FIG4: variants seen among roughly 807,000 people sequenced by gnomAD.
FIG4 encodes the protein polyphosphoinositide phosphatase.
A neutral mutation model predicts 118.6 loss-of-function variants in FIG4; 112 were observed. That is an observed-to-expected ratio of 0.94 (90% confidence interval 0.81 to 1.11). FIG4 has a LOEUF of 1.11. Ranked by LOEUF, FIG4 falls within the 50% of genes least tolerant of loss-of-function variation. The probability of loss-of-function intolerance (pLI) is 0.00; values close to 1 mark genes in which losing one functional copy is unlikely to be tolerated. For missense variants in FIG4, 969 were observed against 1,111.7 expected (o/e 0.87, Z 1.83); for synonymous variants, 369 against 381.2 (o/e 0.97, Z 0.37).
chr6:109,774,843 C>G (rs1437224502), intron 15 of FIG4, among the ~76,000 whole-genome samples: 1 of 152,036 alleles, frequency 6.6e-6, no homozygotes, highest in Non-Finnish European at 1.5e-5. Context: ...ACATCATTGT[C>G]CCTTCCACCC....
At chr6:109,768,806 C>T (rs1390384278) in intron 15 of FIG4, among the ~76,000 whole-genome samples, 1 of 152,152 alleles carries the variant, frequency 6.6e-6, no homozygotes, top group Non-Finnish European at 1.5e-5. Flanking sequence ...GGGAAATCCA[C>T]ATCCATTTCC....
chr6:109,738,840 A>G (rs1191694844), intron 7 of FIG4, among the ~76,000 whole-genome samples: 1 of 152,118 alleles, frequency 6.6e-6, no homozygotes, highest in Non-Finnish European at 1.5e-5. Context: ...GAGCAGAGAG[A>G]GAGAGATCAC....
At chr6:109,752,545 A>G (rs924815299) in intron 10 of FIG4, among the ~76,000 whole-genome samples, 1 of 152,076 alleles carries the variant, frequency 6.6e-6, no homozygotes, top group African/African-American at 2.4e-5. Flanking sequence ...CTGGTGTGAG[A>G]TGGTATCTCA....
intron 1 of FIG4, among the ~76,000 whole-genome samples, chr6:109,698,892 T>C (rs1422830379): frequency 1.3e-5 from 2 of 152,226 alleles, no homozygotes; most frequent in African/African-American, 4.8e-5. Flanking sequence ...TGCTAATATT[T>C]TGTTAAGAAT....
chr6:109,757,567 C>T lies in FIG4; in HGVS notation c.1138-2683C>T, dbSNP rs993712123. The stretch of plus-strand genomic sequence containing the variant: ...AAAATCAACACAAGACAAGGATGCC[C>T]TCTCTCACCACTCCTCTTCAACATG... On this transcript the variant is annotated intron_variant, in intron 10 of 22. Transcript: ENST00000230124. 2.0e-5 allele frequency among the ~76,000 whole-genome samples: 3 copies of T among 152,284 alleles called. No homozygotes were observed. The East Asian group carries it at 5.8e-4, about 29-fold the overall frequency.
At chr6:109,727,557 G>C (rs1279586872) in intron 4 of FIG4, among the ~76,000 whole-genome samples, 1 of 152,092 alleles carries the variant, frequency 6.6e-6, no homozygotes, top group Non-Finnish European at 1.5e-5. Context: ...GCTACTATTA[G>C]GTGAGAGGTT....
chr6:109,738,898 G>A (rs538076049), intron 7 of FIG4, among the ~76,000 whole-genome samples: 1 of 152,214 alleles, frequency 6.6e-6, no homozygotes, highest in East Asian at 1.9e-4. Flanking sequence ...ACATGGGAGT[G>A]TTCTCATGGC....
At chr6:109,765,726 G>A (rs770494445) in intron 14 of FIG4, among the ~76,000 whole-genome samples, 7 of 152,148 alleles carry the variant, frequency 4.6e-5, no homozygotes, top group Non-Finnish European at 8.8e-5. Context: ...AATCTAAGAT[G>A]TATAAAAGAT....
intron 1 of FIG4, 128 bp from the exon 2 acceptor site, chr6:109,714,949 TA>T (rs1292307410): frequency 1.7e-6 from 1 of 603,492 alleles, no homozygotes; most frequent in African/African-American, 1.9e-5. Context: ...CAGTTATACA[TA>T]ACAGAAATAT....
intron 16 of FIG4, among the ~76,000 whole-genome samples, chr6:109,781,299 T>C (rs1777793636): frequency 6.6e-6 from 1 of 152,226 alleles, no homozygotes. Flanking sequence ...TCATACACTT[T>C]CAAAATCTCT....
At chr6:109,803,960 TCTAAA>T (rs767504544) in intron 22 of FIG4, among the ~76,000 whole-genome samples, 13 of 152,190 alleles carry the variant, frequency 8.5e-5, no homozygotes, top group Non-Finnish European at 1.8e-4. Context: ...TTTAACTTTC[TCTAAA>T]CTAAAGGGGC....
At position 109,737,609 on chromosome 6, in the gene FIG4, C is replaced by G. The variant is rs148079496; in HGVS notation, c.647-716C>G. On this transcript the variant is annotated intron_variant, in intron 6 of 22. Transcript: ENST00000230124. ...AACTGCTATTCAGAACCATTACAGT[C>G]TTTTAAGCTATTATCTTATAAACAT... Among the ~76,000 whole-genome samples, 214 of 152,184 alleles carry G rather than the reference C, an allele frequency of 1.4e-3. 2 individuals are homozygous for G. Among genetic ancestry groups the G allele is most frequent in the African/African-American group, 3.6e-3 (149 of 41,538 alleles).
intron 22 of FIG4, among the ~76,000 whole-genome samples, chr6:109,800,008 G>A (rs1778387538): frequency 6.6e-6 from 1 of 152,190 alleles, no homozygotes; most frequent in Admixed American, 6.5e-5. Flanking sequence ...GTGTACCATA[G>A]CCTGTTCTAA....
At position 109,765,181 on chromosome 6, in the gene FIG4, A is replaced by G. The variant is rs377162452; in HGVS notation, c.1583+20A>G. ...AGTTAGGTAAGTCTTATTTTTTGCT[A>G]TTTGAATGCTGATAATGGCAGAAGG... On this transcript the variant is annotated intron_variant, in intron 14 of 22. Coordinates refer to ENST00000230124, the MANE Select transcript of FIG4 (RefSeq NM_014845.6). 3.8e-5 allele frequency: 61 copies of G among 1,611,816 alleles called. No homozygotes were observed. Among genetic ancestry groups the G allele is most frequent in the Non-Finnish European group, 4.8e-5 (57 of 1,178,050 alleles).
chr6:109,701,625 T>C (rs1255645067), intron 1 of FIG4: 1 of 464,752 alleles, frequency 2.2e-6, no homozygotes, highest in African/African-American at 2.0e-5. Context: ...ATTGTTAGCA[T>C]ATATGTATGC....
intron 20 of FIG4, 37 bp from the exon 21 acceptor site, chr6:109,792,545 T>C (rs574452582): frequency 4.6e-6 from 6 of 1,304,118 alleles, no homozygotes; most frequent in Non-Finnish European, 5.5e-6. Flanking sequence ...TGTCTAAAAA[T>C]TCTTCCTGGT....
At chr6:109,812,543 T>G (rs1304056735) in intron 22 of FIG4, among the ~76,000 whole-genome samples, 1 of 152,166 alleles carries the variant, frequency 6.6e-6, no homozygotes, top group Non-Finnish European at 1.5e-5. Context: ...GAGGAGTTGG[T>G]TTCATGGGAG....
chr6:109,772,997 G>A (rs1211578058), intron 15 of FIG4, among the ~76,000 whole-genome samples: 1 of 152,158 alleles, frequency 6.6e-6, no homozygotes. Flanking sequence ...TCTCATTGTT[G>A]GCAGAATTCC....
At position 109,791,573 on chromosome 6, in the gene FIG4, T is replaced by G. The variant is rs756308787; in HGVS notation, c.2376+2T>G. ...GGAGACAGTGCCAAAGTGACCGAGG[T>G]GCGGGGGAGGGAAGCCTGTGGCATC... On this transcript the variant is annotated splice_donor_variant, in intron 20 of 22. Coordinates refer to ENST00000230124, the MANE Select transcript of FIG4 (RefSeq NM_014845.6). LOFTEE classifies it high-confidence loss of function. 12 of 1,613,364 alleles carry G rather than the reference T, an allele frequency of 7.4e-6. No homozygotes were observed. Among genetic ancestry groups the G allele is most frequent in the Non-Finnish European group, 1.0e-5 (12 of 1,179,768 alleles).
Sources: allele counts gnomAD v4.1 joint callset (sites outside exome capture counted in the v4.1 genomes callset), GRCh38; gene constraint gnomAD v4.1.1; transcripts MANE v1.5; gene names NCBI Gene and HGNC (gene_info 2026-07-23, HGNC 2026-07-21).